Variants in FOXO1 observed in about 807,000 individuals in gnomAD.
FOXO1 encodes the protein forkhead box protein O1.
FOXO1 carries 6 observed loss-of-function variants against 44.1 expected under a neutral mutation model. The observed-to-expected ratio is 0.14, with a 90% CI of 0.07 to 0.27. FOXO1 has a LOEUF of 0.27. Ranked by LOEUF, FOXO1 falls within the 10% of genes least tolerant of loss-of-function variation. The probability of loss-of-function intolerance (pLI) is 1.00; values close to 1 mark genes in which losing one functional copy is unlikely to be tolerated. For synonymous variants in FOXO1, 380 were observed against 362.7 expected (o/e 1.05, Z -0.54); for missense variants, 737 against 888.8 (o/e 0.83, Z 2.17).
At chr13:40,628,960 A>T (rs1244916200) in intron 1 of FOXO1, among the ~76,000 whole-genome samples, 1 of 150,236 alleles carries the variant, frequency 6.7e-6, no homozygotes, top group Non-Finnish European at 1.5e-5. Context: ...AATAAAATAC[A>T]CTTACCCAAA....
chr13:40,638,082 T>C (rs1266903356), intron 1 of FOXO1, among the ~76,000 whole-genome samples: 1 of 152,194 alleles, frequency 6.6e-6, no homozygotes, highest in Non-Finnish European at 1.5e-5. Context: ...AAAAAATTCT[T>C]GAAATTTGGT....
intron 1 of FOXO1, among the ~76,000 whole-genome samples, chr13:40,629,915 A>T (rs1876906366): frequency 6.6e-6 from 1 of 152,220 alleles, no homozygotes; most frequent in Non-Finnish European, 1.5e-5. Flanking sequence ...AAGTGAGCAT[A>T]AATCATTCTG....
At chr13:40,624,631 C>A (rs966652268) in intron 1 of FOXO1, among the ~76,000 whole-genome samples, 12 of 152,116 alleles carry the variant, frequency 7.9e-5, no homozygotes, top group African/African-American at 2.9e-4. Flanking sequence ...GGGGAGGTGA[C>A]AGATGACACT....
chr13:40,571,228 G>A (rs1013332175), intron 1 of FOXO1, among the ~76,000 whole-genome samples: 2 of 151,982 alleles, frequency 1.3e-5, no homozygotes, highest in Non-Finnish European at 2.9e-5. Context: ...GTCATGGGGT[G>A]GGGGGAAGGG....
rs756324914 is a variant in FOXO1 at position 40,560,422 on chromosome 13, A to C, written c.1069T>G (p.Ser357Ala). Residue 357 changes from serine (S) to alanine (A), a missense_variant, in exon 2 of 3, where the codon TCT becomes GCT. Ser to Ala is a moderately conservative substitution (Grantham distance 99, BLOSUM62 1). Transcript: ENST00000379561. This position sits in a 1 kb window ranked among gnomAD's most constrained non-coding sequence, Gnocchi z 5.1. The stretch of plus-strand genomic sequence containing the variant: ...ATCTCAGACAGACTGGGTAAAGTAG[A>C]GGCCATCTTTGCGGCAGATGGCGGG... Reference protein sequence around the residue: ...VYPPSAAKMASTLPSLSEISN... With the variant: ...VYPPSAAKMAATLPSLSEISN... 30 of 1,614,124 alleles carry C rather than the reference A, an allele frequency of 1.9e-5. No homozygotes were observed. In the Admixed American group the frequency reaches 2.0e-4, roughly 11 times the overall value.
intron 1 of FOXO1, among the ~76,000 whole-genome samples, chr13:40,584,483 A>G: frequency 1.2e-5 from 1 of 86,572 alleles, no homozygotes; most frequent in Non-Finnish European, 2.9e-5. Flanking sequence ...AAAAAAAAAA[A>G]AAAAAAAAAA....
chr13:40,602,861 T>C (rs1593395711), intron 1 of FOXO1, among the ~76,000 whole-genome samples: 1 of 152,136 alleles, frequency 6.6e-6, no homozygotes. Flanking sequence ...AAACAAAACA[T>C]ACTACCAAGC....
chr13:40,646,255 G>A (rs1413081313), intron 1 of FOXO1, among the ~76,000 whole-genome samples: 1 of 150,716 alleles, frequency 6.6e-6, no homozygotes, highest in East Asian at 2.0e-4. Flanking sequence ...AAGGAATTGT[G>A]GTTTTCTTTT....
intron 2 of FOXO1, 79 bp downstream of exon 2, chr13:40,559,430 C>T (rs1873887893): frequency 7.6e-7 from 1 of 1,313,648 alleles, no homozygotes; most frequent in South Asian, 1.4e-5. Flanking sequence ...CAAAGATGTG[C>T]TAACCATGGC....
At chr13:40,637,882 G>T (rs1286921152) in intron 1 of FOXO1, among the ~76,000 whole-genome samples, 1 of 152,036 alleles carries the variant, frequency 6.6e-6, no homozygotes, top group Non-Finnish European at 1.5e-5. Context: ...GGAATAACTG[G>T]TTATTTAGAT....
In FOXO1 at chr13:40,635,697, A is replaced by G. The variant is rs80055553; in HGVS notation, c.630+29886T>C. Among the ~76,000 whole-genome samples the G allele has an allele frequency of 3.9e-5, 6 of 152,344 alleles. No homozygotes were observed. The East Asian group carries it at 9.6e-4, about 24-fold the overall frequency. ...TTCTCACCTCTAATCACTGCCCTCTACAGTCAATAAGGCTGATGCCTTGTG... is the reference window on the plus strand; with the variant it reads ...TTCTCACCTCTAATCACTGCCCTCTGCAGTCAATAAGGCTGATGCCTTGTG... On this transcript the variant is annotated intron_variant, in intron 1 of 2. Coordinates refer to ENST00000379561, the MANE Select transcript of FOXO1 (RefSeq NM_002015.4).
In FOXO1 at chr13:40,613,726, T is replaced by C. The variant is rs758094305; in HGVS notation, c.630+51857A>G. On this transcript the variant is annotated intron_variant, in intron 1 of 2. Coordinates refer to ENST00000379561, the MANE Select transcript of FOXO1 (RefSeq NM_002015.4). ...CAAAGAGGAAGCACATTCAGGTCAC[T>C]TGAACAAACACAAGCGTGAGCCACA... Among the ~76,000 whole-genome samples, 4 of 152,190 alleles carry C rather than the reference T, an allele frequency of 2.6e-5. No homozygotes were observed. In the East Asian group the frequency reaches 5.8e-4, roughly 22 times the overall value.
In FOXO1 at chr13:40,666,036, G is replaced by A; in HGVS notation, c.177C>T (p.Pro59=). The part of the protein sequence containing the change: ...AANPDAAAGL[P]SASAAAVSAD... ...CGCTGACAGCGGCAGCCGAGGCCGA[G>A]GGCAGGCCCGCCGCGGCGTCGGGGT... The change falls in exon 1 of 3, where the codon CCC becomes CCT. Residue 59 remains proline, a synonymous_variant. Coordinates refer to ENST00000379561, the MANE Select transcript of FOXO1 (RefSeq NM_002015.4). The A allele has an allele frequency of 7.7e-7, 1 of 1,297,732 alleles. No homozygotes were observed. Among genetic ancestry groups the A allele is most frequent in the Non-Finnish European group, 9.7e-7 (1 of 1,026,080 alleles). The allele number at this position is 1,297,732 out of a possible 1,614,324, so 80.4% of individuals were successfully genotyped here.
chr13:40,652,394 C>T (rs920798172), intron 1 of FOXO1, among the ~76,000 whole-genome samples: 5 of 151,600 alleles, frequency 3.3e-5, no homozygotes, highest in African/African-American at 4.9e-5. Context: ...TCCGCCAACA[C>T]GCCTGGCTAA....
chr13:40,656,570 C>T (rs1022768428), intron 1 of FOXO1, among the ~76,000 whole-genome samples: 4 of 152,152 alleles, frequency 2.6e-5, no homozygotes, highest in Non-Finnish European at 4.4e-5. Flanking sequence ...TGCCAAATTC[C>T]GTATGTCAGT....
chr13:40,656,450 C>T (rs73469042), intron 1 of FOXO1, among the ~76,000 whole-genome samples: 132 of 152,332 alleles, frequency 8.7e-4, no homozygotes, highest in African/African-American at 3.0e-3. Flanking sequence ...GCTACCAGGA[C>T]ACTGGGCCTC....
At chr13:40,636,448 C>T (rs1274421383) in intron 1 of FOXO1, among the ~76,000 whole-genome samples, 1 of 151,764 alleles carries the variant, frequency 6.6e-6, no homozygotes, top group Non-Finnish European at 1.5e-5. Flanking sequence ...TATGAGAGGA[C>T]TGCTTGAGGC....
intron 1 of FOXO1, among the ~76,000 whole-genome samples, chr13:40,585,708 A>C (rs1440759103): frequency 2.6e-5 from 4 of 152,166 alleles, no homozygotes; most frequent in African/African-American, 9.7e-5. Context: ...CAAAAGAAAG[A>C]AGCAAGAAAC....
chr13:40,562,172 A>C (rs1365590437), intron 1 of FOXO1, among the ~76,000 whole-genome samples: 2 of 152,162 alleles, frequency 1.3e-5, no homozygotes, highest in Admixed American at 6.5e-5. Flanking sequence ...ACCAATGACC[A>C]GTAGTATGAG....
Sources: gnomAD v4.1 joint callset for allele counts (sites outside exome capture counted in the v4.1 genomes callset) on GRCh38, gnomAD v4.1.1 for gene constraint, Gnocchi (gnomAD v3.1) non-coding constraint, MANE v1.5 for transcripts, NCBI Gene and HGNC (gene_info 2026-07-23, HGNC 2026-07-21) for gene names.